PEAK1: variants seen among roughly 807,000 people sequenced by gnomAD.
PEAK1 encodes inactive tyrosine-protein kinase PEAK1.
Under a neutral mutation model 124.7 loss-of-function variants are expected in PEAK1, and 54 were observed. That is an observed-to-expected ratio of 0.43 (90% CI 0.35 to 0.54). The LOEUF (loss-of-function observed/expected upper bound fraction) is 0.54. Ranked by LOEUF, PEAK1 falls within the 20% of genes least tolerant of loss-of-function variation. The pLI is 0.01. For synonymous variants in PEAK1, 719 were observed against 760.0 expected, an observed-to-expected ratio of 0.95 and a Z score of 0.89; for missense variants, 2,046 against 2,134.5, an observed-to-expected ratio of 0.96 and a Z score of 0.82.
chr15:77,205,700 A>T (rs1275611885), intron 6 of PEAK1, among the ~76,000 whole-genome samples: 1 of 152,198 alleles, frequency 6.6e-6, no homozygotes, highest in Non-Finnish European at 1.5e-5. Context: ...GTGAATTGGT[A>T]GGATGTATGT....
At chr15:77,306,690 A>G (rs935795669) in intron 2 of PEAK1, among the ~76,000 whole-genome samples, 7 of 152,160 alleles carry the variant, frequency 4.6e-5, no homozygotes, top group African/African-American at 1.7e-4. Context: ...AGGTTGAAAT[A>G]CATTATGATA....
chr15:77,163,844 A>T lies in PEAK1; in HGVS notation c.3138-5148T>A, dbSNP rs112096246. 6.2e-4 allele frequency among the ~76,000 whole-genome samples: 95 copies of T among 152,288 alleles called. 2 individuals carry two copies. Among genetic ancestry groups the T allele is most frequent in the African/African-American group, 2.2e-3 (92 of 41,542 alleles). ...AGTTGCCCACGACAGCCAATAAGCAAATGTGTGACTTTTAAAACCTCCTTT... is the reference window on the plus strand; with the variant it reads ...AGTTGCCCACGACAGCCAATAAGCATATGTGTGACTTTTAAAACCTCCTTT... On this transcript the variant is annotated intron_variant, in intron 7 of 9. Transcript: ENST00000682557.
At chr15:77,284,524 T>C (rs1445237923) in intron 4 of PEAK1, among the ~76,000 whole-genome samples, 2 of 152,186 alleles carry the variant, frequency 1.3e-5, no homozygotes, top group African/African-American at 4.8e-5. Context: ...CTTTCTATCA[T>C]ATGTTGCTGT....
At chr15:77,418,724 A>G (rs187463444) in intron 1 of PEAK1, 19 of 985,332 alleles carry the variant, frequency 1.9e-5, no homozygotes, top group Non-Finnish European at 2.2e-5. Context: ...TTGCTCATGG[A>G]AAGTTTTACC....
At chr15:77,380,275 C>T (rs1333721034) in intron 1 of PEAK1, among the ~76,000 whole-genome samples, 1 of 152,112 alleles carries the variant, frequency 6.6e-6, no homozygotes, top group Non-Finnish European at 1.5e-5. Context: ...ATGGTTAGGT[C>T]ATGCCACTGG....
At chr15:77,359,643 T>C (rs1369334006) in intron 2 of PEAK1, among the ~76,000 whole-genome samples, 2 of 152,112 alleles carry the variant, frequency 1.3e-5, no homozygotes, top group Non-Finnish European at 2.9e-5. Context: ...TTCTATATAC[T>C]AGCAATGAAT....
At chr15:77,327,914 A>C (rs141643864) in intron 2 of PEAK1, among the ~76,000 whole-genome samples, 93 of 152,234 alleles carry the variant, frequency 6.1e-4, no homozygotes, top group African/African-American at 2.2e-3. Context: ...AAAATAAAAA[A>C]ACCTTAGTCA....
chr15:77,179,932 A>G lies in PEAK1; in HGVS notation c.1995T>C (p.Tyr665=), dbSNP rs377418097. ...CTTTGCTTTCTGTTTCTATTTCTTC[A>G]TAAGTATGGCTTATTACACTTGTGG... The part of the protein sequence containing the change: ...EKTTSVISHT[Y]EEIETESKVP... The change falls in exon 7 of 10, where the codon TAT becomes TAC. Residue 665 remains tyrosine (Y), a synonymous_variant. Coordinates refer to ENST00000682557, the MANE Select transcript of PEAK1 (RefSeq NM_001385026.1). 43 of 1,613,986 alleles carry G rather than the reference A, an allele frequency of 2.7e-5. No homozygotes were observed. Among genetic ancestry groups the G allele is most frequent in the Non-Finnish European group, 3.4e-5 (40 of 1,179,998 alleles).
At chr15:77,319,925 G>C (rs930240726) in intron 2 of PEAK1, among the ~76,000 whole-genome samples, 1 of 152,054 alleles carries the variant, frequency 6.6e-6, no homozygotes, top group East Asian at 1.9e-4. Context: ...GAAAAATATC[G>C]TTAAAAGGTC....
chr15:77,159,093 CA>C (rs985224371), intron 7 of PEAK1, among the ~76,000 whole-genome samples: 2 of 152,056 alleles, frequency 1.3e-5, no homozygotes, highest in African/African-American at 4.8e-5. Flanking sequence ...TGGTAAATAT[CA>C]AGTACTTTAC....
chr15:77,183,466 A>T (rs1319484583), intron 6 of PEAK1, among the ~76,000 whole-genome samples: 1 of 152,226 alleles, frequency 6.6e-6, no homozygotes, highest in Non-Finnish European at 1.5e-5. Flanking sequence ...TTCATTACAG[A>T]TATGAATTAA....
intron 6 of PEAK1, among the ~76,000 whole-genome samples, chr15:77,208,028 C>T (rs2058743634): frequency 6.6e-6 from 1 of 152,072 alleles, no homozygotes; most frequent in African/African-American, 2.4e-5. Flanking sequence ...GTGGCTTTTC[C>T]CCAAGACTTT....
intron 1 of PEAK1, chr15:77,417,945 T>C: frequency 4.1e-6 from 4 of 972,946 alleles, no homozygotes; most frequent in Non-Finnish European, 4.9e-6. Context: ...CTTAAATATT[T>C]ACATTACCAT....
At chr15:77,401,796 A>G (rs904675125) in intron 1 of PEAK1, 3 of 984,510 alleles carry the variant, frequency 3.0e-6, no homozygotes, top group Non-Finnish European at 3.6e-6. Flanking sequence ...TTAAAGTTCC[A>G]ATAAAAATTA....
intron 2 of PEAK1, chr15:77,352,645 T>C: frequency 1.0e-6 from 1 of 955,834 alleles, no homozygotes; most frequent in Non-Finnish European, 1.2e-6. Flanking sequence ...TATTTCTGCC[T>C]AGAAACCTAA....
At chr15:77,214,496 C>T (rs1251337289) in intron 6 of PEAK1, among the ~76,000 whole-genome samples, 2 of 150,486 alleles carry the variant, frequency 1.3e-5, no homozygotes, top group South Asian at 2.1e-4. Flanking sequence ...TGGTGGCGGG[C>T]GCCTGTAGTC....
chr15:77,332,368 GA>G (rs1427183635), intron 2 of PEAK1: 1 of 578,286 alleles, frequency 1.7e-6, no homozygotes, highest in Non-Finnish European at 2.2e-6. Flanking sequence ...GGGAGGCTGA[GA>G]GGGGCAGATC....
Position 77,181,223 on chromosome 15 carries a change from T to C in PEAK1, c.704A>G (p.Glu235Gly). 3 of 1,613,944 alleles carry C rather than the reference T, an allele frequency of 1.9e-6. No individual in the cohort carries two copies. Among genetic ancestry groups the C allele is most frequent in the Non-Finnish European group, 2.5e-6 (3 of 1,179,972 alleles). Residue 235 changes from glutamate to glycine, a missense_variant, in exon 7 of 10, where the codon GAG (glutamate) becomes GGG (glycine). Coordinates refer to ENST00000682557, the MANE Select transcript of PEAK1 (RefSeq NM_001385026.1). Reference protein sequence around the residue: ...FCYPEFSSGEESEEDVLFSNM... With the variant: ...FCYPEFSSGEGSEEDVLFSNM... ...ACTGAAAAGTACATCCTCTTCACTC[T>C]CCTCGCCACTGGAAAACTCTGGGTA...
At chr15:77,119,503 C>G (rs1249912855) in intron 9 of PEAK1, among the ~76,000 whole-genome samples, 1 of 152,208 alleles carries the variant, frequency 6.6e-6, no homozygotes, top group Non-Finnish European at 1.5e-5. Context: ...GCATTCTGAC[C>G]AGATTCCTAA....
Sources: allele counts gnomAD v4.1 joint callset (sites outside exome capture counted in the v4.1 genomes callset), GRCh38; gene constraint gnomAD v4.1.1; transcripts MANE v1.5; gene names NCBI Gene and HGNC (gene_info 2026-07-23, HGNC 2026-07-21).